USP6NL: variants seen among roughly 807,000 people sequenced by gnomAD.
USP6NL encodes the protein USP6 N-terminal like, also known as USP6 N-terminal-like protein.
Under a neutral mutation model 61.9 loss-of-function variants are expected in USP6NL, and 26 were observed. The ratio of observed to expected loss-of-function variants is 0.42; its 90% confidence interval spans 0.31 to 0.58. USP6NL has a LOEUF of 0.58. Among genes scored for constraint, USP6NL ranks in the 20% least tolerant of loss-of-function variants. The probability of loss-of-function intolerance (pLI) is 0.16; values close to 1 mark genes in which losing one functional copy is unlikely to be tolerated. For synonymous variants in USP6NL, 432 were observed against 390.1 expected, an observed-to-expected ratio of 1.11 and a Z score of -1.27; for missense variants, 1,114 against 1,034.3, an observed-to-expected ratio of 1.08 and a Z score of -1.06.
In USP6NL at chr10:11,585,965, G is replaced by A. The variant is rs1447608530; in HGVS notation, c.4+11666C>T. On this transcript the variant is annotated intron_variant, in intron 2 of 14. Coordinates refer to ENST00000609104, the MANE Select transcript of USP6NL (RefSeq NM_014688.5). This position sits in a 1 kb window ranked among gnomAD's most constrained non-coding sequence, Gnocchi z 4.5. The stretch of plus-strand genomic sequence containing the variant: ...AGCATTAGTGTTTAATGGGTACAGA[G>A]CCTCCAGTTTTTCAAAATGAAAAGA... Among the ~76,000 whole-genome samples, 1 of 152,188 alleles carries A rather than the reference G, an allele frequency of 6.6e-6. No individual in the cohort carries two copies. The highest frequency in any genetic ancestry group is 1.9e-4 in the East Asian group (1 of 5,196).
rs192607405 is a variant in USP6NL at position 11,582,154 on chromosome 10, C to T, written c.4+15477G>A. Among the ~76,000 whole-genome samples the T allele has an allele frequency of 4.9e-3, 741 of 152,314 alleles. 4 individuals carry two copies. The highest frequency in any genetic ancestry group is 0.017 in the African/African-American group (706 of 41,560). ...TAACTTTTTGTATTTTTAGTAGAGACGGGGTTTCGCCATGTTGGGCAGGCT... is the reference window on the plus strand; with the variant it reads ...TAACTTTTTGTATTTTTAGTAGAGATGGGGTTTCGCCATGTTGGGCAGGCT... On this transcript the variant is annotated intron_variant, in intron 2 of 14. Coordinates refer to ENST00000609104, the MANE Select transcript of USP6NL (RefSeq NM_014688.5).
In USP6NL at chr10:11,463,342, T is replaced by A. The variant is rs375678156; in HGVS notation, c.1586A>T (p.Asn529Ile). The A allele has an allele frequency of 6.2e-7, 1 of 1,613,820 alleles. No individual in the cohort carries two copies. Among genetic ancestry groups the A allele is most frequent in the African/African-American group, 1.3e-5 (1 of 74,932 alleles). The change falls in exon 15 of 15, where the codon AAC becomes ATC. Residue 529 changes from asparagine (N) to isoleucine (I), a missense_variant. Coordinates refer to ENST00000609104, the MANE Select transcript of USP6NL (RefSeq NM_014688.5). This position sits in a 1 kb window ranked among gnomAD's most constrained non-coding sequence, Gnocchi z 6.3. ...VPGPAEVRVS[N>I]VRPKMKALDA... ...CAGGGCCTTCATCTTTGGCCGCACG[T>A]TTGACACCCGCACCTCGGCAGGACC...
rs767276140 is a variant in USP6NL at position 11,481,957 on chromosome 10, C to A, written c.926-35G>T. On this transcript the variant is annotated intron_variant, in intron 13 of 14. Transcript: ENST00000609104. The surrounding 1 kb of genome is among the most constrained non-coding windows in gnomAD (Gnocchi z 4.4). Reference sequence around the variant, plus strand: ...GATAAGAGAAATGAAAATGCCAAGTCAATAGCTACTTTAGGTAGGAAGATA... The same window carrying A: ...GATAAGAGAAATGAAAATGCCAAGTAAATAGCTACTTTAGGTAGGAAGATA... 6.4e-7 allele frequency: 1 copy of A among 1,569,426 alleles called. No homozygotes were observed. The highest frequency in any genetic ancestry group is 2.3e-5 in the East Asian group (1 of 44,366).
rs1352229458 is a variant in USP6NL at position 11,468,566 on chromosome 10, G to A, written c.1079-4717C>T. Among the ~76,000 whole-genome samples, 1 of 152,236 alleles carries A rather than the reference G, an allele frequency of 6.6e-6. No individual in the cohort carries two copies. Among genetic ancestry groups the A allele is most frequent in the African/African-American group, 2.4e-5 (1 of 41,456 alleles). On this transcript the variant is annotated intron_variant, in intron 14 of 14. Transcript: ENST00000609104. The surrounding 1 kb of genome is among the most constrained non-coding windows in gnomAD (Gnocchi z 4.5). ...AGTTACAAGGACAGGGTAGGGAAGA[G>A]AGGTCAAGGACAGCAGCAAGATGGT...
rs113285769 is a variant in USP6NL, at chr10:11,511,034, TCAC to T, written c.196-1362_196-1360del. On this transcript the variant is annotated intron_variant, in intron 5 of 14. Coordinates refer to ENST00000609104, the MANE Select transcript of USP6NL (RefSeq NM_014688.5). The surrounding 1 kb of genome is among the most constrained non-coding windows in gnomAD (Gnocchi z 4.9). ...TATGCTGGCAGATGGCATATATGCC[TCAC>T]CACCACTATTTTTAGACCTAAAAGT... Among the ~76,000 whole-genome samples the T allele has an allele frequency of 1.3e-5, 2 of 152,340 alleles. No individual in the cohort carries two copies. Among genetic ancestry groups the T allele is most frequent in the African/African-American group, 4.8e-5 (2 of 41,578 alleles).
rs1834642608 is a variant in USP6NL, at chr10:11,510,196, A to G, written c.196-521T>C. On this transcript the variant is annotated intron_variant, in intron 5 of 14. Transcript: ENST00000609104. The surrounding 1 kb of genome is among the most constrained non-coding windows in gnomAD (Gnocchi z 4.8). ...CTAAGTACTAGTTGCTGCCCTAAAG[A>G]AATTTGACCAGGTGCTAAGGACAAT... Among the ~76,000 whole-genome samples the G allele has an allele frequency of 1.3e-5, 2 of 152,192 alleles. No homozygotes were observed. The highest frequency in any genetic ancestry group is 4.8e-5 in the African/African-American group (2 of 41,434).
Position 11,485,194 on chromosome 10 carries a change from C to A in USP6NL, c.800G>T (p.Trp267Leu). 1.3e-6 allele frequency: 2 copies of A among 1,534,784 alleles called. No individual in the cohort carries two copies. Among genetic ancestry groups the A allele is most frequent in the South Asian group, 2.5e-5 (2 of 78,622 alleles). ...ACGATCAAGGAAACACTGAAAAAAC[C>A]ATTTCATTGTGTAAAAACTTGTGTA... Reference protein sequence around the residue: ...EIYTSFYTMKWFFQCFLDRTP... With the variant: ...EIYTSFYTMKLFFQCFLDRTP... The change falls in exon 12 of 15, where the codon TGG becomes TTG. Residue 267 changes from tryptophan (W) to leucine (L), a missense_variant. Physicochemically the swap from Trp to Leu is moderately conservative, Grantham distance 61. Transcript: ENST00000609104. The surrounding 1 kb of genome is among the most constrained non-coding windows in gnomAD (Gnocchi z 4.8).
At chr10:11,498,042 G>C (rs1337974014) in intron 7 of USP6NL, among the ~76,000 whole-genome samples, 1 of 151,452 alleles carries the variant, frequency 6.6e-6, no homozygotes, top group Non-Finnish European at 1.5e-5. Context: ...TTCAAGACTA[G>C]CCTGGCCAGC....
At chr10:11,557,947 T>C (rs910844695) in intron 2 of USP6NL, among the ~76,000 whole-genome samples, 1 of 151,866 alleles carries the variant, frequency 6.6e-6, no homozygotes, top group Non-Finnish European at 1.5e-5. Context: ...GCGGAAGGTA[T>C]GAGAAAAAAG....
intron 2 of USP6NL, among the ~76,000 whole-genome samples, chr10:11,584,783 C>A (rs562424701): frequency 6.6e-6 from 1 of 151,852 alleles, no homozygotes; most frequent in Admixed American, 6.6e-5. Flanking sequence ...CAGAAAAATA[C>A]AAAAATTGGC....
chr10:11,547,736 G>T (rs189071444), intron 2 of USP6NL, among the ~76,000 whole-genome samples: 1,974 of 151,892 alleles, frequency 0.013, 24 homozygotes, highest in Middle Eastern at 0.034. Flanking sequence ...GAGACGGGGT[G>T]TCACCGTGTT....
chr10:11,483,718 G>T (rs1272467258), intron 13 of USP6NL, among the ~76,000 whole-genome samples: 1 of 124,884 alleles, frequency 8.0e-6, no homozygotes, highest in Non-Finnish European at 1.7e-5. Context: ...GTGTTGGGGG[G>T]CCGGTGCGGG....
chr10:11,539,008 G>A (rs910081089), intron 2 of USP6NL, among the ~76,000 whole-genome samples: 2 of 152,180 alleles, frequency 1.3e-5, no homozygotes, highest in Admixed American at 6.5e-5. Flanking sequence ...TTCAAGTCAC[G>A]TGGAGGAAAT....
At chr10:11,609,291 C>A (rs1838803741) in intron 1 of USP6NL, among the ~76,000 whole-genome samples, 1 of 152,012 alleles carries the variant, frequency 6.6e-6, no homozygotes, top group Non-Finnish European at 1.5e-5. Flanking sequence ...GGTCTTGAAC[C>A]CCTGACCTCA....
At chr10:11,486,616 G>C (rs778887177) in intron 10 of USP6NL, among the ~76,000 whole-genome samples, 7 of 152,170 alleles carry the variant, frequency 4.6e-5, no homozygotes, top group Non-Finnish European at 8.8e-5. Context: ...CCACTCAACA[G>C]ACTTGATGAT....
rs911340377 is a variant in USP6NL at position 11,575,403 on chromosome 10, T to A, written c.4+22228A>T. ...TACTTCCTCTCTTCTGGAGAGAAGATCTTTGGAAGGTACTGTTTTGACAGG... is the reference window on the plus strand; with the variant it reads ...TACTTCCTCTCTTCTGGAGAGAAGAACTTTGGAAGGTACTGTTTTGACAGG... On this transcript the variant is annotated intron_variant, in intron 2 of 14. Transcript: ENST00000609104. The surrounding 1 kb of genome is among the most constrained non-coding windows in gnomAD (Gnocchi z 4.2). Among the ~76,000 whole-genome samples the A allele has an allele frequency of 6.6e-6, 1 of 152,220 alleles. No homozygotes were observed. The highest frequency in any genetic ancestry group is 1.5e-5 in the Non-Finnish European group (1 of 68,046).
intron 2 of USP6NL, among the ~76,000 whole-genome samples, chr10:11,571,922 A>G (rs1270490102): frequency 6.6e-6 from 1 of 150,686 alleles, no homozygotes; most frequent in Non-Finnish European, 1.5e-5. Flanking sequence ...AACAAAAGCC[A>G]TTCTACTACT....
At chr10:11,509,532 C>A in intron 6 of USP6NL, 63 bp downstream of exon 6, 2 of 1,385,224 alleles carry the variant, frequency 1.4e-6, no homozygotes, top group South Asian at 1.4e-5. Context: ...AGAAGAACTT[C>A]TACTATGAAA....
At chr10:11,560,172 T>G (rs988346253) in intron 2 of USP6NL, among the ~76,000 whole-genome samples, 2 of 152,204 alleles carry the variant, frequency 1.3e-5, no homozygotes, top group African/African-American at 4.8e-5. Flanking sequence ...TCTTCTATAA[T>G]AACAGTCACT....
Sources: allele counts gnomAD v4.1 joint callset (sites outside exome capture counted in the v4.1 genomes callset), GRCh38; gene constraint gnomAD v4.1.1; non-coding constraint Gnocchi (gnomAD v3.1); transcripts MANE v1.5; gene names NCBI Gene and HGNC (gene_info 2026-07-23, HGNC 2026-07-21).